Variants in LILRB1 observed in about 807,000 individuals in gnomAD.
The protein encoded by LILRB1 is leukocyte immunoglobulin like receptor B1.
A neutral mutation model predicts 74.6 loss-of-function variants in LILRB1; 59 were observed. The ratio of observed to expected loss-of-function variants is 0.79; its 90% CI spans 0.64 to 0.98. The LOEUF (loss-of-function observed/expected upper bound fraction) is 0.98. LILRB1 is among the 50% of genes least tolerant of loss of function. The pLI is 0.00. For missense variants in LILRB1, 804 were observed against 822.6 expected, an observed-to-expected ratio of 0.98 and a Z score of 0.28; for synonymous variants, 328 against 333.9, an observed-to-expected ratio of 0.98 and a Z score of 0.19.
intron 1 of LILRB1, among the ~76,000 whole-genome samples, chr19:54,623,223 C>A (rs1240344741): frequency 6.6e-6 from 1 of 152,138 alleles, no homozygotes; most frequent in Non-Finnish European, 1.5e-5. Context: ...TTTTGGAATA[C>A]TTTCATTATG....
At chr19:54,621,901 A>G (rs780830249) in intron 1 of LILRB1, among the ~76,000 whole-genome samples, 3 of 152,198 alleles carry the variant, frequency 2.0e-5, no homozygotes, top group South Asian at 2.1e-4. Flanking sequence ...ATTCTTTTGC[A>G]TATGGCTACC....
chr19:54,623,792 G>A (rs1410508209), intron 1 of LILRB1, among the ~76,000 whole-genome samples: 1 of 152,170 alleles, frequency 6.6e-6, no homozygotes, highest in Non-Finnish European at 1.5e-5. Flanking sequence ...TTCTGGAGAG[G>A]CCTCCACTTA....
At chr19:54,627,412 G>A (rs2063623975), upstream of LILRB1, among the ~76,000 whole-genome samples, 1 of 152,086 alleles carries the variant, frequency 6.6e-6, no homozygotes, top group African/African-American at 2.4e-5. Flanking sequence ...GACCCCACAG[G>A]GCCAGGAAGG....
At position 54,631,997 on chromosome 19, in the gene LILRB1, G is replaced by T; in HGVS notation, c.421G>T (p.Val141Leu). 6.2e-7 allele frequency: 1 copy of T among 1,614,166 alleles called. No individual in the cohort carries two copies. Among genetic ancestry groups the T allele is most frequent in the Non-Finnish European group, 8.5e-7 (1 of 1,179,936 alleles). Residue 141 changes from valine (V) to leucine (L), a missense_variant, in exon 5 of 15, where the codon GTA (valine) becomes TTA (leucine). Transcript: ENST00000324602. ...PSPVVNSGGN[V>L]TLQCDSQVAF... ...CCCCGTGGTGAACTCAGGAGGGAAT[G>T]TAACCCTCCAGTGTGACTCACAGGT...
chr19:54,616,544 C>T (rs952784202), upstream of LILRB1, among the ~76,000 whole-genome samples: 1 of 152,194 alleles, frequency 6.6e-6, no homozygotes, highest in Non-Finnish European at 1.5e-5. Flanking sequence ...AGCTTCTTCT[C>T]TGCCAGAAGT....
At chr19:54,630,823 T>G in intron 1 of LILRB1, 190 bp downstream of exon 1, 1 of 780,092 alleles carries the variant, frequency 1.3e-6, no homozygotes, top group Non-Finnish European at 2.1e-6. Flanking sequence ...AGACGGTGGC[T>G]GGGGGTCAGG....
Position 54,633,959 on chromosome 19 carries a change from G to C in LILRB1, c.1313-12G>C, listed in dbSNP as rs762626389. On this transcript the variant is annotated splice_polypyrimidine_tract_variant and intron_variant, in intron 8 of 14. Coordinates refer to ENST00000324602, the MANE Select transcript of LILRB1 (RefSeq NM_001081637.3). ...GGGCAGCCCCAGCCCTCACCTCCCCGTCCTGACCCAGCAGGCCCTGAGGAC... is the reference window on the plus strand; with the variant it reads ...GGGCAGCCCCAGCCCTCACCTCCCCCTCCTGACCCAGCAGGCCCTGAGGAC... 3.1e-4 allele frequency: 493 copies of C among 1,589,222 alleles called. 1 individual carries two copies. The African/African-American group carries it at 4.4e-3, about 14-fold the overall frequency.
rs773925105 is a variant in LILRB1, at chr19:54,635,608, G to C, written c.1652G>C (p.Arg551Pro). The change falls in exon 13 of 15, where the codon CGG (arginine) becomes CCG (proline). Residue 551 changes from arginine to proline, a missense_variant and splice_region_variant. Transcript: ENST00000324602. ...QPEDGVEMDT[R>P]QSPHDEDPQA... ...GAGGATGGGGTGGAGATGGACACTC[G>C]GGTGAGACCCCACCCCTGTCCCAGG... 6.2e-7 allele frequency: 1 copy of C among 1,613,904 alleles called. No individual in the cohort carries two copies. Among genetic ancestry groups the C allele is most frequent in the Non-Finnish European group, 8.5e-7 (1 of 1,179,988 alleles).
chr19:54,636,627 A>G lies in LILRB1; in HGVS notation c.1787A>G (p.Glu596Gly). The G allele has an allele frequency of 1.2e-6, 2 of 1,610,318 alleles. No individual in the cohort carries two copies. The highest frequency in any genetic ancestry group is 1.7e-6 in the Non-Finnish European group (2 of 1,178,528). The change falls in exon 14 of 15, where the codon GAA (glutamate) becomes GGA (glycine). Residue 596 changes from glutamate to glycine, a missense_variant. Transcript: ENST00000324602. ...EFLDTKDRQA[E>G]EDRQMDTEAA... is the part of the protein sequence containing the mutation. ...CTGGACACAAAGGACAGACAGGCGG[A>G]AGAGGACAGGCAGATGGACACTGAG...
At chr19:54,634,142 C>T in intron 9 of LILRB1, 121 bp downstream of exon 9, 2 of 1,530,580 alleles carry the variant, frequency 1.3e-6, no homozygotes, top group Non-Finnish European at 1.8e-6. Flanking sequence ...CTGCTTGGGC[C>T]TCAGTTTCTC....
rs1057211919 is a variant in LILRB1 at position 54,637,237 on chromosome 19, G to A, written c.*359G>A. ...ATGAATGATCTTGGCTTTCCTATAA[G>A]AAATTTAGGGCAGGGCACGGTGGCT... On this transcript the variant is annotated 3_prime_UTR_variant, in exon 15 of 15. Transcript: ENST00000324602. The A allele has an allele frequency of 4.3e-6, 1 of 230,032 alleles. No individual in the cohort carries two copies. Among genetic ancestry groups the A allele is most frequent in the African/African-American group, 2.3e-5 (1 of 43,792 alleles). 14.2% of individuals were successfully genotyped at this position (230,032 alleles called of 1,614,324 possible).
chr19:54,633,983 A>T lies in LILRB1; in HGVS notation c.1325A>T (p.Asp442Val). 3 of 1,596,884 alleles carry T rather than the reference A, an allele frequency of 1.9e-6. No homozygotes were observed. The highest frequency in any genetic ancestry group is 2.6e-6 in the Non-Finnish European group (3 of 1,171,812). The stretch of plus-strand genomic sequence containing the variant: ...CGTCCTGACCCAGCAGGCCCTGAGG[A>T]CCAGCCCCTCACCCCCACCGGGTCG... ...GPTSTSAGPE[D>V]QPLTPTGSDP... Residue 442 changes from aspartate to valine, a missense_variant, in exon 9 of 15, where the codon GAC (aspartate) becomes GTC (valine). By Grantham distance (152) the Asp-to-Val change is radical. Coordinates refer to ENST00000324602, the MANE Select transcript of LILRB1 (RefSeq NM_001081637.3).
chr19:54,633,675 C>T lies in LILRB1; in HGVS notation c.1299C>T (p.Pro433=), dbSNP rs1192002857. ...SGGPSSPTTG[P]TSTSAGPEDQ... ...GCCCCAGCTCCCCGACAACAGGCCC[C>T]ACCTCCACATCTGGTGAGTCCCTGA... The change falls in exon 8 of 15, where the codon CCC becomes CCT. Residue 433 remains proline, a synonymous_variant. Transcript: ENST00000324602. The T allele has an allele frequency of 3.8e-5, 61 of 1,613,608 alleles. No individual in the cohort carries two copies. The highest frequency in any genetic ancestry group is 5.0e-5 in the Non-Finnish European group (59 of 1,179,818).
intron 1 of LILRB1, 64 bp from the exon 2 acceptor site, chr19:54,630,962 C>A (rs751995694): frequency 8.1e-6 from 13 of 1,612,702 alleles, no homozygotes; most frequent in Admixed American, 5.0e-5. Flanking sequence ...GATGACAGCA[C>A]CCCATGAGAA....
chr19:54,630,716 G>T, intron 1 of LILRB1, 83 bp downstream of exon 1: 1 of 764,052 alleles, frequency 1.3e-6, no homozygotes, highest in South Asian at 1.4e-5. Context: ...GGAAGGAGAT[G>T]CCTCCGCTAC....
At chr19:54,630,812 C>A (rs964702858) in intron 1 of LILRB1, 179 bp downstream of exon 1, 1 of 761,948 alleles carries the variant, frequency 1.3e-6, no homozygotes, top group Admixed American at 2.2e-5. Flanking sequence ...ACAAACCAGA[C>A]AGACGGTGGC....
At chr19:54,634,415 G>A (rs771696331) in intron 9 of LILRB1, 2 of 1,527,116 alleles carry the variant, frequency 1.3e-6, no homozygotes, top group South Asian at 1.2e-5. Context: ...CAGACTCCTG[G>A]GCTTCCTTCC....
intron 1 of LILRB1, among the ~76,000 whole-genome samples, chr19:54,624,632 G>A (rs1020367267): frequency 3.9e-5 from 6 of 151,924 alleles, no homozygotes; most frequent in Admixed American, 2.0e-4. Flanking sequence ...GTGCCAGCAG[G>A]GTAGGAAAGG....
At chr19:54,631,413 G>A (rs1223653865) in intron 3 of LILRB1, 87 bp from the exon 4 acceptor site, 1 of 1,609,728 alleles carries the variant, frequency 6.2e-7, no homozygotes, top group Non-Finnish European at 8.5e-7. Context: ...GACTGATGGG[G>A]GCGTCTGGAG....
Sources: gnomAD v4.1 joint callset for allele counts (sites outside exome capture counted in the v4.1 genomes callset) on GRCh38, gnomAD v4.1.1 for gene constraint, MANE v1.5 for transcripts, NCBI Gene and HGNC (gene_info 2026-07-23, HGNC 2026-07-21) for gene names.